Variants in SETDB2 observed in about 807,000 individuals in gnomAD.
SETDB2 encodes the protein histone-lysine N-methyltransferase SETDB2.
In SETDB2, 56 loss-of-function variants were observed where a neutral mutation model predicts 82.5. The ratio of observed to expected loss-of-function variants is 0.68; its 90% CI spans 0.55 to 0.85. The LOEUF is 0.85. Ranked by LOEUF, SETDB2 falls within the 40% of genes least tolerant of loss-of-function variation. The pLI is 0.00. For missense variants in SETDB2, 677 were observed against 816.4 expected (o/e 0.83, Z 2.08); for synonymous variants, 272 against 284.9 (o/e 0.95, Z 0.46).
intron 4 of SETDB2, among the ~76,000 whole-genome samples, chr13:49,465,419 T>C (rs892742239): frequency 1.3e-5 from 2 of 152,248 alleles, no homozygotes; most frequent in Non-Finnish European, 2.9e-5. Context: ...TAATATAGAT[T>C]TATATAACTC....
At chr13:49,482,693 A>T in intron 8 of SETDB2, 44 bp from the exon 9 acceptor site, 1 of 1,267,424 alleles carries the variant, frequency 7.9e-7, no homozygotes, top group Non-Finnish European at 1.1e-6. Flanking sequence ...ATCATTAGCA[A>T]TTATCTTCTG....
At chr13:49,457,959 A>G (rs1957923634) in intron 2 of SETDB2, among the ~76,000 whole-genome samples, 1 of 152,252 alleles carries the variant, frequency 6.6e-6, no homozygotes, top group South Asian at 2.1e-4. Flanking sequence ...GTATTGACTC[A>G]TATCTGTGAA....
chr13:49,476,109 A>G (rs989884658), intron 5 of SETDB2, among the ~76,000 whole-genome samples: 3 of 152,150 alleles, frequency 2.0e-5, no homozygotes, highest in Non-Finnish European at 4.4e-5. Flanking sequence ...TACAGCTGTA[A>G]TCACAACTTC....
intron 2 of SETDB2, among the ~76,000 whole-genome samples, chr13:49,456,228 C>T (rs1026448118): frequency 6.6e-6 from 1 of 152,070 alleles, no homozygotes; most frequent in African/African-American, 2.4e-5. Context: ...ACATATGTTT[C>T]TGTGTACTGA....
At position 49,491,073 on chromosome 13, in the gene SETDB2, C is replaced by T. The variant is rs543126213; in HGVS notation, c.2006+163C>T. 5.9e-5 allele frequency among the ~76,000 whole-genome samples: 9 copies of T among 152,170 alleles called. 1 individual carries two copies. Among genetic ancestry groups the T allele is most frequent in the African/African-American group, 2.2e-4 (9 of 41,498 alleles). On this transcript the variant is annotated intron_variant, in intron 13 of 13. Transcript: ENST00000611815. ...TTTAAGACCAGCCAGAGCCACATGG[C>T]GAAACCCTGTCTTTACTAAAAAAAA...
chr13:49,458,242 C>G (rs986333713), intron 2 of SETDB2, among the ~76,000 whole-genome samples: 1 of 152,118 alleles, frequency 6.6e-6, no homozygotes, highest in African/African-American at 2.4e-5. Flanking sequence ...TACCACCTCG[C>G]CTGGCTGATT....
At chr13:49,453,590 G>A (rs1347862157) in intron 2 of SETDB2, among the ~76,000 whole-genome samples, 2 of 152,156 alleles carry the variant, frequency 1.3e-5, no homozygotes, top group Admixed American at 6.5e-5. Context: ...GAACCACCAT[G>A]TCCTGCTCAG....
chr13:49,487,741 A>T (rs541981723), intron 11 of SETDB2, among the ~76,000 whole-genome samples: 1 of 152,354 alleles, frequency 6.6e-6, no homozygotes, highest in Non-Finnish European at 1.5e-5. Flanking sequence ...TTGTTTACAA[A>T]GGTGTAATTA....
At chr13:49,484,078 G>A (rs1174475583) in intron 10 of SETDB2, among the ~76,000 whole-genome samples, 2 of 152,096 alleles carry the variant, frequency 1.3e-5, no homozygotes, top group East Asian at 1.9e-4. Flanking sequence ...TATCATCCAC[G>A]GCAGTTGACA....
In SETDB2 at chr13:49,480,297, A is replaced by G. The variant is rs774350357; in HGVS notation, c.948A>G (p.Gly316=). Residue 316 remains glycine (G), a synonymous_variant, in exon 7 of 14, where the codon GGA becomes GGG. Coordinates refer to ENST00000611815, the MANE Select transcript of SETDB2 (RefSeq NM_001160308.3). Reference sequence around the variant, plus strand: ...TGTCAAGTGACAAAATAACCACTGGATATAAATATAAAAGACTACAGAGAC... The same window carrying G: ...TGTCAAGTGACAAAATAACCACTGGGTATAAATATAAAAGACTACAGAGAC... ...SPLSSDKITT[G]YKYKRLQRQI... is the part of the protein sequence containing the mutation. 1 of 1,610,554 alleles carries G rather than the reference A, an allele frequency of 6.2e-7. No individual in the cohort carries two copies. Among genetic ancestry groups the G allele is most frequent in the South Asian group, 1.1e-5 (1 of 90,422 alleles).
At chr13:49,453,518 G>A (rs1411848074) in intron 2 of SETDB2, among the ~76,000 whole-genome samples, 2 of 151,932 alleles carry the variant, frequency 1.3e-5, no homozygotes, top group Non-Finnish European at 2.9e-5. Context: ...GGCTGGTCTC[G>A]AACTCCTGAC....
chr13:49,490,786 C>A, intron 12 of SETDB2, 36 bp from the exon 13 acceptor site: 1 of 1,489,218 alleles, frequency 6.7e-7, no homozygotes, highest in Non-Finnish European at 9.3e-7. Context: ...AGACTTTATG[C>A]TATTTCTAAC....
rs796704563 is a variant in SETDB2, at chr13:49,494,626, C to T, written c.*2777C>T. The T allele has an allele frequency of 4.0e-5, 6 of 150,678 alleles. No homozygotes were observed. The highest frequency in any genetic ancestry group is 1.5e-4 in the African/African-American group (6 of 40,860). The allele number at this position is 150,678 out of a possible 1,614,324, so 9.3% of individuals were successfully genotyped here. ...GCCTGGCAAGAAATACTCTTTCATC[C>T]TCCTGCATGGAGGGCAAAAAAAAAT... On this transcript the variant is annotated 3_prime_UTR_variant, in exon 14 of 14. Coordinates refer to ENST00000611815, the MANE Select transcript of SETDB2 (RefSeq NM_001160308.3).
chr13:49,446,539 G>A, intron 1 of SETDB2: 1 of 349,232 alleles, frequency 2.9e-6, no homozygotes, highest in Non-Finnish European at 5.5e-6. Flanking sequence ...ATTTTTTAGT[G>A]GAAAAATACT....
At position 49,460,192 on chromosome 13, in the gene SETDB2, A is replaced by C; in HGVS notation, c.102A>C (p.Ser34=). The C allele has an allele frequency of 6.2e-7, 1 of 1,613,388 alleles. No homozygotes were observed. Among genetic ancestry groups the C allele is most frequent in the Middle Eastern group, 1.7e-4 (1 of 6,058 alleles). The part of the protein sequence containing the change: ...IFEQVQNVLQ[S]LKQKIKDGSA... ...AACAAGTACAAAATGTGCTGCAGTC[A>C]CTGAAACAAAAGATCAAAGATGGGT... is the stretch of plus-strand genomic sequence containing the variant. Residue 34 remains serine, a synonymous_variant, in exon 3 of 14, where the codon TCA becomes TCC. Transcript: ENST00000611815.
At chr13:49,486,839 T>C (rs1000982704) in intron 11 of SETDB2, among the ~76,000 whole-genome samples, 10 of 152,284 alleles carry the variant, frequency 6.6e-5, no homozygotes, top group East Asian at 1.9e-4. Context: ...CTGAGAGATA[T>C]CCGTTTGTGA....
intron 3 of SETDB2, among the ~76,000 whole-genome samples, chr13:49,460,830 GTT>G (rs1957978581): frequency 6.6e-6 from 1 of 152,090 alleles, no homozygotes; most frequent in Non-Finnish European, 1.5e-5. Flanking sequence ...AATTGGCACT[GTT>G]TTTCATTTTA....
chr13:49,476,825 G>A lies in SETDB2; in HGVS notation c.655G>A (p.Ala219Thr). Residue 219 changes from alanine (A) to threonine (T), a missense_variant, in exon 6 of 14, where the codon GCT becomes ACT. By Grantham distance (58) the Ala-to-Thr change is moderately conservative. Coordinates refer to ENST00000611815, the MANE Select transcript of SETDB2 (RefSeq NM_001160308.3). ...TTCTTTCAATACCTATGTTCAGTTG[G>A]CTCGGAATTACCCAAAGCAAAAAGA... ...NFSFNTYVQL[A>T]RNYPKQKEVV... is the part of the protein sequence containing the mutation. 2.5e-6 allele frequency: 4 copies of A among 1,614,002 alleles called. No homozygotes were observed. The South Asian group carries it at 4.4e-5, about 18-fold the overall frequency.
intron 8 of SETDB2, chr13:49,481,944 A>G (rs2138965879): frequency 2.1e-6 from 1 of 483,066 alleles, no homozygotes; most frequent in Non-Finnish European, 2.7e-6. Context: ...GAAAAGAAAT[A>G]TCAGGTTCAC....
Sources: allele counts gnomAD v4.1 joint callset (sites outside exome capture counted in the v4.1 genomes callset), GRCh38; gene constraint gnomAD v4.1.1; transcripts MANE v1.5; gene names NCBI Gene and HGNC (gene_info 2026-07-23, HGNC 2026-07-21).